Variants in NAALADL2 observed in about 807,000 individuals in gnomAD.
NAALADL2 encodes the protein N-acetylated alpha-linked acidic dipeptidase like 2, also known as inactive N-acetylated-alpha-linked acidic dipeptidase-like protein 2.
A neutral mutation model predicts 87.2 loss-of-function variants in NAALADL2; 76 were observed. That is an observed-to-expected ratio of 0.87 (90% CI 0.72 to 1.05). The LOEUF (loss-of-function observed/expected upper bound fraction) is 1.05, where lower values mean the gene tolerates loss of function less well. Ranked by LOEUF, NAALADL2 falls within the 50% of genes least tolerant of loss-of-function variation. The probability of loss-of-function intolerance (pLI) is 0.00; values close to 1 mark genes in which losing one functional copy is unlikely to be tolerated. For synonymous variants in NAALADL2, 354 were observed against 331.0 expected (o/e 1.07, Z -0.75); for missense variants, 1,089 against 945.8 (o/e 1.15, Z -1.99).
chr3:175,706,280 T>A (rs1739700983), intron 11 of NAALADL2, among the ~76,000 whole-genome samples: 1 of 152,110 alleles, frequency 6.6e-6, no homozygotes. Flanking sequence ...CCACGACCCC[T>A]AATGAATGCC....
At chr3:174,802,586 A>G (rs1468091844) in intron 3 of NAALADL2, among the ~76,000 whole-genome samples, 4 of 152,136 alleles carry the variant, frequency 2.6e-5, no homozygotes, top group South Asian at 2.1e-4. Flanking sequence ...GCGACCATCA[A>G]TTCGTCATTG....
intron 10 of NAALADL2, among the ~76,000 whole-genome samples, chr3:175,598,873 C>T (rs1722584810): frequency 6.6e-6 from 1 of 152,048 alleles, no homozygotes; most frequent in African/African-American, 2.4e-5. Context: ...TAAAAATTCC[C>T]CTGGACACTC....
At chr3:174,943,709 A>AG (rs1579649586) in intron 1 of NAALADL2, among the ~76,000 whole-genome samples, 1 of 152,196 alleles carries the variant, frequency 6.6e-6, no homozygotes, top group Non-Finnish European at 1.5e-5. Flanking sequence ...GGCCCCAGCC[A>AG]GGGGTTCCCT....
At chr3:174,897,290 A>G (rs1022563311) in intron 1 of NAALADL2, among the ~76,000 whole-genome samples, 13 of 152,132 alleles carry the variant, frequency 8.5e-5, no homozygotes, top group African/African-American at 3.1e-4. Context: ...TAATAGCCAG[A>G]TTATATAAGG....
At position 175,153,746 on chromosome 3, in the gene NAALADL2, C is replaced by G. The variant is rs16824288; in HGVS notation, c.545+56455C>G. Among the ~76,000 whole-genome samples, 15 of 152,136 alleles carry G rather than the reference C, an allele frequency of 9.9e-5. 1 individual carries two copies. In the South Asian group the frequency reaches 2.9e-3, roughly 29 times the overall value. Reference sequence around the variant, plus strand: ...CAGTCTGACTGAGCAAGGCAAACTCCTGGTGTCATTTAGTTTATTGGCATG... The same window carrying G: ...CAGTCTGACTGAGCAAGGCAAACTCGTGGTGTCATTTAGTTTATTGGCATG... On this transcript the variant is annotated intron_variant, in intron 2 of 13. Coordinates refer to ENST00000454872, the MANE Select transcript of NAALADL2 (RefSeq NM_207015.3).
At chr3:175,546,324 G>T (rs895727857) in intron 9 of NAALADL2, among the ~76,000 whole-genome samples, 8 of 152,154 alleles carry the variant, frequency 5.3e-5, no homozygotes, top group African/African-American at 1.9e-4. Flanking sequence ...CCATACCAAT[G>T]GTTCTTGGTT....
intron 1 of NAALADL2, among the ~76,000 whole-genome samples, chr3:175,082,573 T>C (rs1024545525): frequency 2.0e-5 from 3 of 152,202 alleles, no homozygotes. Context: ...AAGCACTTTA[T>C]TTTTTAAGAA....
intron 11 of NAALADL2, among the ~76,000 whole-genome samples, chr3:175,658,749 G>T (rs1031619249): frequency 3.9e-5 from 6 of 152,084 alleles, no homozygotes; most frequent in Non-Finnish European, 7.4e-5. Context: ...AATTTTGAAG[G>T]TTCATTGTAA....
intron 2 of NAALADL2, among the ~76,000 whole-genome samples, chr3:175,179,905 A>G (rs1205916338): frequency 6.6e-6 from 1 of 152,038 alleles, no homozygotes; most frequent in Non-Finnish European, 1.5e-5. Flanking sequence ...TGTGTCACAT[A>G]GTATCGGTAT....
chr3:174,624,184 CT>C (rs1364038301), intron 2 of NAALADL2, among the ~76,000 whole-genome samples: 1 of 103,674 alleles, frequency 9.6e-6, no homozygotes, highest in Non-Finnish European at 2.3e-5. Context: ...AGCTTATACA[CT>C]GAAAAAAAAT....
chr3:175,644,479 A>C (rs1054911801), intron 11 of NAALADL2, among the ~76,000 whole-genome samples: 39 of 152,062 alleles, frequency 2.6e-4, no homozygotes, highest in African/African-American at 9.4e-4. Context: ...TGCATTTTTC[A>C]ATCTAATTTA....
chr3:175,273,192 G>A (rs1753109151), intron 4 of NAALADL2, among the ~76,000 whole-genome samples: 1 of 151,964 alleles, frequency 6.6e-6, no homozygotes, highest in South Asian at 2.1e-4. Flanking sequence ...GAATATATAT[G>A]AACATGAATG....
intron 3 of NAALADL2, among the ~76,000 whole-genome samples, chr3:174,800,214 G>A (rs925065621): frequency 2.6e-5 from 4 of 152,196 alleles, no homozygotes; most frequent in South Asian, 2.1e-4. Flanking sequence ...TCACCAAGAC[G>A]ATGGAGAAAA....
intron 2 of NAALADL2, among the ~76,000 whole-genome samples, chr3:174,622,174 T>C (rs542451005): frequency 6.6e-6 from 1 of 152,304 alleles, no homozygotes; most frequent in East Asian, 1.9e-4. Flanking sequence ...CTAGAAAATG[T>C]TGCCTCTTAG....
intron 2 of NAALADL2, among the ~76,000 whole-genome samples, chr3:174,591,512 G>A (rs1578247870): frequency 6.6e-6 from 1 of 152,162 alleles, no homozygotes; most frequent in African/African-American, 2.4e-5. Context: ...CACGCCTGAT[G>A]GATGGAGCAT....
At chr3:175,103,229 AC>A (rs929259080) in intron 2 of NAALADL2, among the ~76,000 whole-genome samples, 10 of 152,154 alleles carry the variant, frequency 6.6e-5, no homozygotes, top group African/African-American at 2.4e-4. Flanking sequence ...TTAATATAAT[AC>A]ATTGAAATTG....
At chr3:174,652,143 C>G (rs891268567) in intron 2 of NAALADL2, among the ~76,000 whole-genome samples, 4 of 152,144 alleles carry the variant, frequency 2.6e-5, no homozygotes, top group Non-Finnish European at 4.4e-5. Flanking sequence ...CTTTAGTATC[C>G]TCGCAGCACT....
At chr3:175,326,499 A>T (rs1229349122) in intron 5 of NAALADL2, among the ~76,000 whole-genome samples, 2 of 152,096 alleles carry the variant, frequency 1.3e-5, no homozygotes, top group Non-Finnish European at 2.9e-5. Flanking sequence ...AGCTGCTTCT[A>T]CATTTCTAGG....
At chr3:175,018,424 GTTA>G (rs1751134282) in intron 1 of NAALADL2, among the ~76,000 whole-genome samples, 2 of 151,996 alleles carry the variant, frequency 1.3e-5, no homozygotes, top group African/African-American at 4.8e-5. Context: ...AGAAATCTGA[GTTA>G]TTAATTTTTT....
Sources: allele counts gnomAD v4.1 joint callset (sites outside exome capture counted in the v4.1 genomes callset), GRCh38; gene constraint gnomAD v4.1.1; transcripts MANE v1.5; gene names NCBI Gene and HGNC (gene_info 2026-07-23, HGNC 2026-07-21).